SLC9C1: variants seen among roughly 807,000 people sequenced by gnomAD.
SLC9C1 encodes sodium/hydrogen exchanger 10.
SLC9C1 carries 97 observed loss-of-function variants against 140.9 expected under a neutral mutation model. The observed-to-expected ratio is 0.69, with a 90% CI of 0.58 to 0.82. SLC9C1 has a LOEUF of 0.82. Among genes scored for constraint, SLC9C1 ranks in the 40% least tolerant of loss-of-function variants. The pLI is 0.00. For synonymous variants in SLC9C1, 440 were observed against 442.6 expected (o/e 0.99, Z 0.07); for missense variants, 1,340 against 1,389.3 (o/e 0.96, Z 0.56).
intron 2 of SLC9C1, among the ~76,000 whole-genome samples, 159 bp from the exon 3 acceptor site, chr3:112,280,942 G>T (rs1004639158): frequency 6.6e-6 from 1 of 152,124 alleles, no homozygotes; most frequent in East Asian, 1.9e-4. Context: ...CAGAATCAGT[G>T]TAACTGTTAA....
chr3:112,263,020 C>G lies in SLC9C1; in HGVS notation c.1101G>C (p.Met367Ile), dbSNP rs781308642. ...GCATCCCCTTCATTTCACTACAGAC[C>G]ATTATGAATATCCAGCGCCAACTGA... ...HEFSWRWIFI[M>I]VCSEMKGMPN... The change falls in exon 10 of 29, where the codon ATG becomes ATC. Residue 367 changes from methionine to isoleucine, a missense_variant. Met to Ile is a conservative substitution (Grantham distance 10, BLOSUM62 1). Coordinates refer to ENST00000305815, the MANE Select transcript of SLC9C1 (RefSeq NM_183061.3). 6.2e-7 allele frequency: 1 copy of G among 1,607,770 alleles called. No individual in the cohort carries two copies. Among genetic ancestry groups the G allele is most frequent in the Admixed American group, 1.7e-5 (1 of 59,322 alleles).
rs1394202819 is a variant in SLC9C1, at chr3:112,208,158, A to C, written c.1986+20T>G. 1.9e-6 allele frequency: 3 copies of C among 1,555,358 alleles called. No homozygotes were observed. In the Admixed American group the frequency reaches 6.0e-5, roughly 31 times the overall value. ...TGTCAGACATATAACACTTCCATAC[A>C]CACATAAATTTTAGATTACCTTAAG... On this transcript the variant is annotated intron_variant, in intron 16 of 28. Coordinates refer to ENST00000305815, the MANE Select transcript of SLC9C1 (RefSeq NM_183061.3).
At chr3:112,243,099 TG>T (rs1433800974) in intron 11 of SLC9C1, among the ~76,000 whole-genome samples, 1 of 152,190 alleles carries the variant, frequency 6.6e-6, no homozygotes, top group Admixed American at 6.5e-5. Flanking sequence ...TCAGCCACTG[TG>T]GAAAGCAGTT....
intron 28 of SLC9C1, among the ~76,000 whole-genome samples, chr3:112,145,313 G>A (rs1303376688): frequency 6.6e-6 from 1 of 151,276 alleles, no homozygotes; most frequent in African/African-American, 2.4e-5. Context: ...AAGCCTACTT[G>A]ATCGTGGTAT....
chr3:112,250,170 T>C (rs13098338), intron 10 of SLC9C1, among the ~76,000 whole-genome samples: 44,479 of 151,044 alleles, frequency 0.29, 6,977 homozygotes, highest in East Asian at 0.42. Flanking sequence ...GTGTTTGGTT[T>C]TTTGTCCTTG....
At chr3:112,248,328 G>T (rs1160369279) in intron 10 of SLC9C1, among the ~76,000 whole-genome samples, 1 of 152,138 alleles carries the variant, frequency 6.6e-6, no homozygotes, top group African/African-American at 2.4e-5. Flanking sequence ...GAAACAATCA[G>T]AGGCACTCAG....
intron 26 of SLC9C1, among the ~76,000 whole-genome samples, chr3:112,155,519 G>T (rs764863992): frequency 6.6e-6 from 1 of 152,114 alleles, no homozygotes; most frequent in Non-Finnish European, 1.5e-5. Flanking sequence ...GTCACATAGC[G>T]CAGTTTTGTG....
chr3:112,155,114 CCA>C, intron 26 of SLC9C1, 65 bp from the exon 27 acceptor site: 1 of 1,382,780 alleles, frequency 7.2e-7, no homozygotes, highest in Non-Finnish European at 1.0e-6. Flanking sequence ...TTCTATTAGT[CCA>C]ACTATCAGAT....
At chr3:112,239,161 C>T (rs1016364413) in intron 12 of SLC9C1, among the ~76,000 whole-genome samples, 4 of 152,188 alleles carry the variant, frequency 2.6e-5, no homozygotes, top group Admixed American at 6.5e-5. Flanking sequence ...CAATGGTAGG[C>T]GCCCCTCCCC....
rs117139683 is a variant in SLC9C1, at chr3:112,187,296, C to A, written c.2524-5038G>T. ...TTTTAATCTTTCATTATTCTCCCTTCTGTTATTTTACCATGAGCTTTTGCA... is the reference window on the plus strand; with the variant it reads ...TTTTAATCTTTCATTATTCTCCCTTATGTTATTTTACCATGAGCTTTTGCA... On this transcript the variant is annotated intron_variant, in intron 20 of 28. Transcript: ENST00000305815. Among the ~76,000 whole-genome samples, 1,352 of 152,264 alleles carry A rather than the reference C, an allele frequency of 8.9e-3. 54 individuals carry two copies. The highest frequency in any genetic ancestry group is 0.066 in the East Asian group (340 of 5,186).
At chr3:112,199,618 CA>C in intron 19 of SLC9C1, 149 bp from the exon 20 acceptor site, 1 of 543,300 alleles carries the variant, frequency 1.8e-6, no homozygotes, top group Admixed American at 4.0e-5. Context: ...CCACTATGAT[CA>C]ATCATAATTC....
rs752647464 is a variant in SLC9C1, at chr3:112,263,070, C to T, written c.1051G>A (p.Val351Ile). ...AACTCATGACCAACTCGAGACAAAA[C>T]AGGGCTTATTAAAAGAAGGGTCAGA... is the stretch of plus-strand genomic sequence containing the variant. ...RFLTLLLISP[V>I]LSRVGHEFSW... The change falls in exon 10 of 29, where the codon GTT (valine) becomes ATT (isoleucine). Residue 351 changes from valine to isoleucine, a missense_variant. Val to Ile is a conservative substitution (Grantham distance 29). Coordinates refer to ENST00000305815, the MANE Select transcript of SLC9C1 (RefSeq NM_183061.3). 1.3e-6 allele frequency: 2 copies of T among 1,581,152 alleles called. No homozygotes were observed. Among genetic ancestry groups the T allele is most frequent in the Admixed American group, 1.9e-5 (1 of 51,308 alleles).
intron 13 of SLC9C1, among the ~76,000 whole-genome samples, chr3:112,221,484 T>C (rs2078539676): frequency 6.6e-6 from 1 of 152,126 alleles, no homozygotes; most frequent in African/African-American, 2.4e-5. Flanking sequence ...AAATGGAACT[T>C]ATTGGCAAAT....
In SLC9C1 at chr3:112,215,553, T is replaced by C. The variant is rs1168414611; in HGVS notation, c.1790+1889A>G. ...AATGTACAAAAATCACAAGCATTCT[T>C]ATACACCAATAACAGACAAACAGCC... On this transcript the variant is annotated intron_variant, in intron 15 of 28. Coordinates refer to ENST00000305815, the MANE Select transcript of SLC9C1 (RefSeq NM_183061.3). Among the ~76,000 whole-genome samples the C allele has an allele frequency of 9.2e-5, 14 of 152,210 alleles. No individual in the cohort carries two copies. The East Asian group carries it at 1.9e-3, about 21-fold the overall frequency.
chr3:112,261,469 G>A (rs1010041896), intron 10 of SLC9C1, among the ~76,000 whole-genome samples: 1 of 151,990 alleles, frequency 6.6e-6, no homozygotes, highest in Non-Finnish European at 1.5e-5. Context: ...GGAATCTAGG[G>A]CACTGTGACT....
At chr3:112,223,313 A>G (rs1229771570) in intron 13 of SLC9C1, among the ~76,000 whole-genome samples, 1 of 152,160 alleles carries the variant, frequency 6.6e-6, no homozygotes, top group African/African-American at 2.4e-5. Context: ...GTCTCAAAAA[A>G]TAGAAGAAGA....
At chr3:112,267,597 AG>A (rs869033416) in intron 7 of SLC9C1, among the ~76,000 whole-genome samples, 116 of 132,684 alleles carry the variant, frequency 8.7e-4, no homozygotes, top group Non-Finnish European at 1.3e-3. Context: ...AAAAAAAAAA[AG>A]AGAGAGAGAG....
At chr3:112,165,695 C>T (rs2107906214) in intron 26 of SLC9C1, among the ~76,000 whole-genome samples, 1 of 152,264 alleles carries the variant, frequency 6.6e-6, no homozygotes, top group East Asian at 1.9e-4. Context: ...GGGGTGCCTC[C>T]CAGTTAGGCT....
chr3:112,171,669 T>TA (rs1021856005), intron 23 of SLC9C1, among the ~76,000 whole-genome samples: 5 of 152,160 alleles, frequency 3.3e-5, no homozygotes, highest in African/African-American at 1.2e-4. Context: ...GGTTAGTACT[T>TA]AAAAAAATCC....
Sources: allele counts gnomAD v4.1 joint callset (sites outside exome capture counted in the v4.1 genomes callset), GRCh38; gene constraint gnomAD v4.1.1; transcripts MANE v1.5; gene names NCBI Gene and HGNC (gene_info 2026-07-23, HGNC 2026-07-21).